The following LHFPL3 variants were observed in gnomAD, a reference collection of about 807,000 sequenced individuals.
The protein encoded by LHFPL3 is LHFPL tetraspan subfamily member 3 protein.
A neutral mutation model predicts 19.3 loss-of-function variants in LHFPL3; 5 were observed. The observed-to-expected ratio is 0.26, with a 90% CI of 0.14 to 0.54. The LOEUF is 0.54. LHFPL3 is among the 20% of genes least tolerant of loss of function. The pLI is 0.94. For synonymous variants in LHFPL3, 133 were observed against 126.2 expected (o/e 1.05, Z -0.36); for missense variants, 249 against 307.4 (o/e 0.81, Z 1.42).
chr7:104,376,105 A>AG (rs1790708669), intron 1 of LHFPL3, among the ~76,000 whole-genome samples: 1 of 152,186 alleles, frequency 6.6e-6, no homozygotes, highest in South Asian at 2.1e-4. Context: ...CCTTTAAAAA[A>AG]TCTACTGATA....
At chr7:104,491,235 G>A (rs78113228) in intron 1 of LHFPL3, among the ~76,000 whole-genome samples, 4,688 of 152,116 alleles carry the variant, frequency 0.031, 173 homozygotes, top group Admixed American at 0.11. Flanking sequence ...AGGAATTCTG[G>A]TCATTTCCCT....
At chr7:104,821,575 A>G (rs1298427327) in intron 2 of LHFPL3, among the ~76,000 whole-genome samples, 1 of 152,226 alleles carries the variant, frequency 6.6e-6, no homozygotes, top group Non-Finnish European at 1.5e-5. Context: ...GTGTGGGTTC[A>G]GAGGTTCTAG....
At chr7:104,708,183 C>G (rs575025626) in intron 1 of LHFPL3, among the ~76,000 whole-genome samples, 1 of 152,300 alleles carries the variant, frequency 6.6e-6, no homozygotes, top group South Asian at 2.1e-4. Flanking sequence ...GTCCATAGAT[C>G]ACTTTGGGTT....
At chr7:104,679,965 C>G (rs1792664610) in intron 1 of LHFPL3, among the ~76,000 whole-genome samples, 1 of 152,174 alleles carries the variant, frequency 6.6e-6, no homozygotes, top group Non-Finnish European at 1.5e-5. Context: ...TGATCTCATG[C>G]AATTCAACAA....
At chr7:104,594,217 G>A (rs1487483959) in intron 1 of LHFPL3, among the ~76,000 whole-genome samples, 1 of 152,180 alleles carries the variant, frequency 6.6e-6, no homozygotes, top group Non-Finnish European at 1.5e-5. Flanking sequence ...AGGAGCTCTG[G>A]TAAGGCAGGC....
intron 1 of LHFPL3, among the ~76,000 whole-genome samples, chr7:104,671,480 A>T (rs1172107693): frequency 6.6e-6 from 1 of 150,938 alleles, no homozygotes; most frequent in Admixed American, 6.6e-5. Flanking sequence ...TAATCTGTAG[A>T]CTTATTACCT....
chr7:104,574,525 A>G (rs1242118279), intron 1 of LHFPL3, among the ~76,000 whole-genome samples: 1 of 152,210 alleles, frequency 6.6e-6, no homozygotes, highest in Admixed American at 6.5e-5. Flanking sequence ...CAGCTTTCAG[A>G]TTTCCTAATC....
chr7:104,591,569 T>TGG (rs1790723812), intron 1 of LHFPL3, among the ~76,000 whole-genome samples: 1 of 152,202 alleles, frequency 6.6e-6, no homozygotes, highest in East Asian at 1.9e-4. Context: ...ATTTCAACTT[T>TGG]GGTGAATCTG....
Position 104,464,838 on chromosome 7 carries a change from C to T in LHFPL3, c.445+135614C>T, listed in dbSNP as rs112740010. Reference sequence around the variant, plus strand: ...GAAGATCTCTGACTTGCCCTGGAGACATTTTCCTCATTGTCTTGGTGATTA... The same window carrying T: ...GAAGATCTCTGACTTGCCCTGGAGATATTTTCCTCATTGTCTTGGTGATTA... On this transcript the variant is annotated intron_variant, in intron 1 of 2. Coordinates refer to ENST00000424859, the MANE Select transcript of LHFPL3 (RefSeq NM_199000.3). Among the ~76,000 whole-genome samples, 1,102 of 152,174 alleles carry T rather than the reference C, an allele frequency of 7.2e-3. 15 individuals are homozygous for T. Among genetic ancestry groups the T allele is most frequent in the African/African-American group, 0.025 (1,030 of 41,492 alleles).
chr7:104,494,604 A>G (rs1432015146), intron 1 of LHFPL3, among the ~76,000 whole-genome samples: 1 of 152,198 alleles, frequency 6.6e-6, no homozygotes, highest in Non-Finnish European at 1.5e-5. Flanking sequence ...GAATGGCTCC[A>G]TAATCAGAAA....
chr7:104,454,140 G>C (rs1274388607), intron 1 of LHFPL3, among the ~76,000 whole-genome samples: 2 of 152,220 alleles, frequency 1.3e-5, no homozygotes, highest in Admixed American at 1.3e-4. Context: ...GCTAACCAAA[G>C]AGGGAGATGG....
intron 1 of LHFPL3, among the ~76,000 whole-genome samples, chr7:104,683,253 G>C (rs1792745090): frequency 6.6e-6 from 1 of 152,188 alleles, no homozygotes; most frequent in Non-Finnish European, 1.5e-5. Flanking sequence ...GCCTCACAAA[G>C]TGCTGGGAAT....
At position 104,680,176 on chromosome 7, in the gene LHFPL3, C is replaced by T. The variant is rs1360658742; in HGVS notation, c.446-56499C>T. Among the ~76,000 whole-genome samples, 7 of 152,162 alleles carry T rather than the reference C, an allele frequency of 4.6e-5. No individual in the cohort carries two copies. The East Asian group carries it at 9.6e-4, about 21-fold the overall frequency. ...GGACAGTTAGCGCCAGCTGCTCACC[C>T]GAAGATGGCTGTGTTTCTGTCCATG... is the stretch of plus-strand genomic sequence containing the variant. On this transcript the variant is annotated intron_variant, in intron 1 of 2. Transcript: ENST00000424859.
At chr7:104,837,612 A>G (rs1791121618) in intron 2 of LHFPL3, among the ~76,000 whole-genome samples, 1 of 152,072 alleles carries the variant, frequency 6.6e-6, no homozygotes, top group Non-Finnish European at 1.5e-5. Context: ...GAAAGCACCA[A>G]CTTTATTTTT....
In LHFPL3 at chr7:104,424,839, G is replaced by T. The variant is rs374897684; in HGVS notation, c.445+95615G>T. On this transcript the variant is annotated intron_variant, in intron 1 of 2. Transcript: ENST00000424859. Reference sequence around the variant, plus strand: ...ACCCTGTCTCTACAAAAAATTAGCCGGGCGTGGTGGTGGGCACCTGTAGTC... The same window carrying T: ...ACCCTGTCTCTACAAAAAATTAGCCTGGCGTGGTGGTGGGCACCTGTAGTC... 9.9e-5 allele frequency among the ~76,000 whole-genome samples: 15 copies of T among 152,012 alleles called. No homozygotes were observed. In the South Asian group the frequency reaches 2.9e-3, roughly 30 times the overall value.
At position 104,670,866 on chromosome 7, in the gene LHFPL3, G is replaced by GTTT. The variant is rs71155517; in HGVS notation, c.446-65798_446-65796dup. On this transcript the variant is annotated intron_variant, in intron 1 of 2. Coordinates refer to ENST00000424859, the MANE Select transcript of LHFPL3 (RefSeq NM_199000.3). ...TGGCCAGACCAATGTGTTTTGTTTT[G>GTTT]TTTTTTTTTTTTTAAGCTTCCCTTG... Among the ~76,000 whole-genome samples the GTTT allele has an allele frequency of 3.5e-4, 50 of 144,024 alleles. 1 individual carries two copies. The highest frequency in any genetic ancestry group is 1.3e-3 in the South Asian group (6 of 4,488). The allele number at this position is 144,024 out of a possible 152,430, so 94.5% of individuals were successfully genotyped here.
intron 2 of LHFPL3, among the ~76,000 whole-genome samples, chr7:104,888,595 G>T (rs1792191966): frequency 6.6e-6 from 1 of 152,198 alleles, no homozygotes; most frequent in African/African-American, 2.4e-5. Flanking sequence ...CCTACTATGT[G>T]CCAGGCATTC....
intron 1 of LHFPL3, among the ~76,000 whole-genome samples, chr7:104,401,867 G>A (rs946222468): frequency 1.3e-5 from 2 of 152,096 alleles, no homozygotes; most frequent in African/African-American, 2.4e-5. Flanking sequence ...TTAAAGAAAA[G>A]ATCCAGTGAA....
chr7:104,439,252 C>T (rs1792171558), intron 1 of LHFPL3, among the ~76,000 whole-genome samples: 1 of 152,110 alleles, frequency 6.6e-6, no homozygotes, highest in Non-Finnish European at 1.5e-5. Context: ...GCCCTACAAA[C>T]TCTTTTAGAA....
Sources: gnomAD v4.1 joint callset for allele counts (sites outside exome capture counted in the v4.1 genomes callset) on GRCh38, gnomAD v4.1.1 for gene constraint, MANE v1.5 for transcripts, NCBI Gene and HGNC (gene_info 2026-07-23, HGNC 2026-07-21) for gene names.